MED14: variants seen among roughly 807,000 people sequenced by gnomAD.
MED14 encodes the protein mediator complex subunit 14, also known as mediator of RNA polymerase II transcription subunit 14.
Under a neutral mutation model 109.0 loss-of-function variants are expected in MED14, and 8 were observed. The observed-to-expected ratio is 0.07, with a 90% CI of 0.04 to 0.13. The LOEUF is 0.13. Among genes scored for constraint, MED14 ranks in the 10% least tolerant of loss-of-function variants. The pLI, the probability that MED14 is intolerant of heterozygous loss-of-function variation, is 1.00. For synonymous variants in MED14, 399 were observed against 408.7 expected (o/e 0.98, Z 0.29); for missense variants, 711 against 1,142.4 (o/e 0.62, Z 5.44).
In MED14 at chrX:40,682,700, A is replaced by G. The variant is rs750403715; in HGVS notation, c.2268T>C (p.Pro756=). The G allele has an allele frequency of 4.1e-6, 5 of 1,207,572 alleles. No individual in the cohort carries two copies. The highest frequency in any genetic ancestry group is 5.6e-6 in the Non-Finnish European group (5 of 892,032). ...YLTYENLLSE[P]VGGRKVVEMF... ...TTTCAACCACCTTTCTACCACCAAC[A>G]GGCTCAGACAACAGATTTTCATATG... Residue 756 remains proline, a synonymous_variant, in exon 18 of 31, where the codon CCT becomes CCC. Coordinates refer to ENST00000324817, the MANE Select transcript of MED14 (RefSeq NM_004229.4).
chrX:40,701,872 T>C (rs938668052), intron 11 of MED14, among the ~76,000 whole-genome samples: 2 of 111,531 alleles, frequency 1.8e-5, no homozygotes, highest in Non-Finnish European at 3.8e-5. Flanking sequence ...CCCCCCAAGA[T>C]CCATATGTTG....
intron 3 of MED14, among the ~76,000 whole-genome samples, chrX:40,717,601 C>A (rs911562158): frequency 3.6e-5 from 4 of 111,468 alleles, no homozygotes; most frequent in African/African-American, 1.3e-4. Context: ...CTGCTCACTG[C>A]GACCTCCACC....
At chrX:40,662,039 T>C (rs1403782588) in intron 26 of MED14, among the ~76,000 whole-genome samples, 4 of 109,599 alleles carry the variant, frequency 3.6e-5, no homozygotes, top group African/African-American at 1.3e-4. Flanking sequence ...AATTTTTGTA[T>C]TTTTTAGTAG....
At chrX:40,679,570 C>T (rs1264401934) in intron 21 of MED14, among the ~76,000 whole-genome samples, 1 of 112,003 alleles carries the variant, frequency 8.9e-6, no homozygotes, top group African/African-American at 3.2e-5. Context: ...ATGATAAAAA[C>T]TACTTTTAAA....
At chrX:40,697,264 G>A in intron 12 of MED14, 81 bp from the exon 13 acceptor site, 1 of 558,014 alleles carries the variant, frequency 1.8e-6, no homozygotes, top group South Asian at 4.2e-5. Context: ...AATGATTAAA[G>A]ACCATTAAAA....
At position 40,675,308 on chromosome X, in the gene MED14, T is replaced by G. The variant is rs746857482; in HGVS notation, c.2934A>C (p.Val978=). Residue 978 remains valine (V), a synonymous_variant, in exon 22 of 31, where the codon GTA becomes GTC. Transcript: ENST00000324817. ...GAGAAGGGGGATTATCGTCCTCATT[T>G]ACAGACCTTCTTCGAGCATCCTGAT... ...DSNQDARRRS[V]NEDDNPPSPI... is the part of the protein sequence containing the mutation. The G allele has an allele frequency of 6.7e-6, 8 of 1,194,604 alleles. No individual in the cohort carries two copies. The highest frequency in any genetic ancestry group is 5.6e-6 in the Non-Finnish European group (5 of 887,990).
At chrX:40,726,711 A>AT (rs764226147) in intron 3 of MED14, 35 bp downstream of exon 3, 2 of 1,106,588 alleles carry the variant, frequency 1.8e-6, no homozygotes, top group Non-Finnish European at 2.5e-6. Context: ...TCGAAAAGTT[A>AT]TTTTATACAA....
chrX:40,729,290 C>T (rs1931999177), intron 2 of MED14, 29 bp downstream of exon 2: 3 of 1,184,254 alleles, frequency 2.5e-6, no homozygotes, highest in African/African-American at 1.8e-5. Flanking sequence ...AATAAAGAGA[C>T]TTTAAGGGTT....
intron 3 of MED14, among the ~76,000 whole-genome samples, chrX:40,716,864 C>T (rs1340110952): frequency 1.8e-5 from 2 of 111,439 alleles, no homozygotes; most frequent in Admixed American, 1.9e-4. Flanking sequence ...TGCAACAGCA[C>T]GTATGGAAGT....
At chrX:40,711,010 C>A (rs1931319640) in intron 8 of MED14, among the ~76,000 whole-genome samples, 159 bp downstream of exon 8, 1 of 112,115 alleles carries the variant, frequency 8.9e-6, no homozygotes, top group African/African-American at 3.2e-5. Context: ...GCAGGTTTCA[C>A]ATCTTGCAAA....
chrX:40,705,117 C>G (rs56846857), intron 10 of MED14, among the ~76,000 whole-genome samples: 1 of 112,002 alleles, frequency 8.9e-6, no homozygotes, highest in African/African-American at 3.2e-5. Context: ...ACAAAAATTT[C>G]TTTTACCATA....
rs1309076480 is a variant in MED14 at position 40,711,208 on chromosome X, C to T, written c.983G>A (p.Arg328Lys). The T allele has an allele frequency of 8.3e-7, 1 of 1,209,143 alleles. No homozygotes were observed. The highest frequency in any genetic ancestry group is 1.8e-5 in the African/African-American group (1 of 57,113). Reference protein sequence around the residue: ...ERWGDLVQVERYHAGKCLSLS... With the variant: ...ERWGDLVQVEKYHAGKCLSLS... ...GGAGAGGCACTTTCCAGCATGATAC[C>T]TTTCCACCTGCACAAGGTCTCCCCA... The change falls in exon 8 of 31, where the codon AGG becomes AAG. Residue 328 changes from arginine to lysine, a missense_variant. Physicochemically the swap from Arg to Lys is conservative, Grantham distance 26. Around this residue, in one of 8 missense-constraint regions of MED14, gnomAD observed 388 missense variants for 517.3 expected, o/e 0.75. Transcript: ENST00000324817.
intron 26 of MED14, 94 bp from the exon 27 acceptor site, chrX:40,659,701 A>G: frequency 5.7e-6 from 5 of 875,124 alleles, no homozygotes; most frequent in Non-Finnish European, 1.6e-6. Flanking sequence ...CACTAAGTTG[A>G]TACCTATTCC....
At position 40,686,260 on chromosome X, in the gene MED14, C is replaced by T. The variant is rs951035222; in HGVS notation, c.2057+2194G>A. On this transcript the variant is annotated intron_variant, in intron 16 of 30. Coordinates refer to ENST00000324817, the MANE Select transcript of MED14 (RefSeq NM_004229.4). ...CCTAGGTAGGACTCTTACGCATTCT[C>T]TTGAGTTCAAGAAGAAAGGAGACTG... Among the ~76,000 whole-genome samples, 12 of 111,574 alleles carry T rather than the reference C, an allele frequency of 1.1e-4. 1 individual carries two copies. Among genetic ancestry groups the T allele is most frequent in the Admixed American group, 9.5e-4 (10 of 10,503 alleles).
At chrX:40,677,860 T>C (rs1270725256) in intron 21 of MED14, among the ~76,000 whole-genome samples, 1 of 111,798 alleles carries the variant, frequency 8.9e-6, no homozygotes, top group African/African-American at 3.3e-5. Flanking sequence ...AGTCACATAA[T>C]GTTCAACAGT....
chrX:40,717,503 G>T (rs1931570226), intron 3 of MED14, among the ~76,000 whole-genome samples: 1 of 102,987 alleles, frequency 9.7e-6, no homozygotes, highest in Admixed American at 1.0e-4. Flanking sequence ...CTAGTTCATG[G>T]TTTTTTTGTT....
chrX:40,666,741 C>A lies in MED14; in HGVS notation c.3244G>T (p.Ala1082Ser). Residue 1082 changes from alanine to serine, a missense_variant, in exon 24 of 31, where the codon GCC becomes TCC. This residue lies in a region of MED14 where 100 missense variants were observed against 147.5 expected (regional missense o/e 0.68). Coordinates refer to ENST00000324817, the MANE Select transcript of MED14 (RefSeq NM_004229.4). ...TCACCATGTGGACTAGCAAAACTGG[C>A]CCCTGGTCCTATTGAGATTCCATGC... is the stretch of plus-strand genomic sequence containing the variant. Reference protein sequence around the residue: ...SSHGISIGPGASFASPHGTLD... With the variant: ...SSHGISIGPGSSFASPHGTLD... 8.3e-7 allele frequency: 1 copy of A among 1,208,791 alleles called. No individual in the cohort carries two copies. The highest frequency in any genetic ancestry group is 1.1e-6 in the Non-Finnish European group (1 of 893,827).
In MED14 at chrX:40,692,269, C is replaced by T; in HGVS notation, c.1894G>A (p.Gly632Arg). ...PVESKKTKRA[G>R]EMCAFNKVLA... ...ACTTTATTGAAGGCACACATTTCTC[C>T]TGCTCGTTTTGTTTTCTTGGATTCT... The change falls in exon 15 of 31, where the codon GGA becomes AGA. Residue 632 changes from glycine (G) to arginine (R), a missense_variant. Gly to Arg is a moderately radical substitution (Grantham distance 125). Coordinates refer to ENST00000324817, the MANE Select transcript of MED14 (RefSeq NM_004229.4). 8.3e-7 allele frequency: 1 copy of T among 1,202,978 alleles called. No homozygotes were observed. Among genetic ancestry groups the T allele is most frequent in the African/African-American group, 1.7e-5 (1 of 57,392 alleles).
chrX:40,726,452 C>T (rs1459546566), intron 3 of MED14: 5 of 155,514 alleles, frequency 3.2e-5, no homozygotes, highest in African/African-American at 1.6e-4. Context: ...GAGAACCTTG[C>T]AAATTCTAAG....
Sources: allele counts gnomAD v4.1 joint callset (sites outside exome capture counted in the v4.1 genomes callset), GRCh38; gene constraint gnomAD v4.1.1; regional missense constraint gnomAD v4.1.1; transcripts MANE v1.5; gene names NCBI Gene and HGNC (gene_info 2026-07-23, HGNC 2026-07-21).